The following EPC2 variants were observed in gnomAD, a reference collection of about 807,000 sequenced individuals.
The protein encoded by EPC2 is enhancer of polycomb 2, also known as enhancer of polycomb homolog 2.
Under a neutral mutation model 92.1 loss-of-function variants are expected in EPC2, and 14 were observed. The ratio of observed to expected loss-of-function variants is 0.15; its 90% CI spans 0.10 to 0.24. EPC2 has a LOEUF of 0.24. Ranked by LOEUF, EPC2 falls within the 10% of genes least tolerant of loss-of-function variation. The pLI, the probability that EPC2 is intolerant of heterozygous loss-of-function variation, is 1.00. For missense variants in EPC2, 755 were observed against 971.5 expected (o/e 0.78, Z 2.96); for synonymous variants, 340 against 334.7 (o/e 1.02, Z -0.17).
chr2:148,761,949 C>A lies in EPC2; in HGVS notation c.815+19C>A. ...AGAAAAGGTAACATTGCTCCTGTTA[C>A]AACAGTAAAATGACAACTTTACCAA... On this transcript the variant is annotated intron_variant, in intron 5 of 13. Coordinates refer to ENST00000258484, the MANE Select transcript of EPC2 (RefSeq NM_015630.4). 1 of 1,550,102 alleles carries A rather than the reference C, an allele frequency of 6.5e-7. No individual in the cohort carries two copies. Among genetic ancestry groups the A allele is most frequent in the Non-Finnish European group, 8.6e-7 (1 of 1,157,876 alleles).
chr2:148,656,611 C>T (rs1680805786), intron 1 of EPC2, among the ~76,000 whole-genome samples: 1 of 152,174 alleles, frequency 6.6e-6, no homozygotes, highest in Non-Finnish European at 1.5e-5. Flanking sequence ...GTAACTTAGC[C>T]TCATAAGCAC....
At chr2:148,659,942 A>G (rs1251864921) in intron 1 of EPC2, among the ~76,000 whole-genome samples, 1 of 152,124 alleles carries the variant, frequency 6.6e-6, no homozygotes, top group Non-Finnish European at 1.5e-5. Context: ...TGTAAACTAG[A>G]AAAATGAAAC....
chr2:148,772,248 TTTTGA>T (rs1409061018), intron 10 of EPC2, among the ~76,000 whole-genome samples: 3 of 152,330 alleles, frequency 2.0e-5, no homozygotes, highest in East Asian at 1.9e-4. Flanking sequence ...TAGGGTACAC[TTTTGA>T]TTTGTTTTCT....
At chr2:148,683,338 G>A (rs1404264372) in intron 1 of EPC2, among the ~76,000 whole-genome samples, 2 of 151,858 alleles carry the variant, frequency 1.3e-5, no homozygotes, top group Admixed American at 1.3e-4. Flanking sequence ...CATGATCTCG[G>A]CTCACTGCAA....
chr2:148,717,880 A>G (rs183235776), intron 2 of EPC2, among the ~76,000 whole-genome samples: 5 of 152,174 alleles, frequency 3.3e-5, no homozygotes, highest in Admixed American at 2.6e-4. Context: ...GTGGGAGTCT[A>G]AGTCTCATTG....
chr2:148,740,721 C>T (rs1682865933), intron 2 of EPC2, among the ~76,000 whole-genome samples: 1 of 152,102 alleles, frequency 6.6e-6, no homozygotes, highest in Non-Finnish European at 1.5e-5. Context: ...TGCCCTTGAA[C>T]TTTTGAAAAC....
At chr2:148,648,884 ACTT>A (rs1680578640) in intron 1 of EPC2, among the ~76,000 whole-genome samples, 1 of 152,128 alleles carries the variant, frequency 6.6e-6, no homozygotes, top group African/African-American at 2.4e-5. Context: ...AACATCTTTT[ACTT>A]CTTTTCTTCC....
chr2:148,690,259 G>GA lies in EPC2; in HGVS notation c.207dup (p.Glu70ArgfsTer9). 13 of 1,607,566 alleles carry GA rather than the reference G, an allele frequency of 8.1e-6. No individual in the cohort carries two copies. Among genetic ancestry groups the GA allele is most frequent in the Admixed American group, 6.9e-5 (4 of 58,356 alleles). ...AATTTCAGCACAGCAAGTGTTTAGA[G>GA]AAAAAAAAGAGAGTATGGTCATTCC... On this transcript the variant is annotated frameshift_variant, in exon 2 of 14. Transcript: ENST00000258484. LOFTEE classifies it high-confidence loss of function.
At chr2:148,649,056 C>G (rs1351332572) in intron 1 of EPC2, among the ~76,000 whole-genome samples, 1 of 152,188 alleles carries the variant, frequency 6.6e-6, no homozygotes, top group Non-Finnish European at 1.5e-5. Flanking sequence ...GCCAGCGGTT[C>G]TGCCGCCTCC....
intron 1 of EPC2, among the ~76,000 whole-genome samples, chr2:148,656,024 T>TGGGGGGGGG (rs71411354): frequency 9.0e-6 from 1 of 111,654 alleles, no homozygotes; most frequent in African/African-American, 4.0e-5. Context: ...TGTGTGTGTG[T>TGGGGGGGGG]GGGGGGGGGG....
chr2:148,649,683 G>GT (rs1465876932), intron 1 of EPC2, among the ~76,000 whole-genome samples: 2 of 152,198 alleles, frequency 1.3e-5, no homozygotes, highest in Non-Finnish European at 2.9e-5. Flanking sequence ...CTTGCTGCTA[G>GT]TGCAGGGCTG....
At chr2:148,776,948 C>T (rs912856272) in intron 10 of EPC2, among the ~76,000 whole-genome samples, 1 of 150,264 alleles carries the variant, frequency 6.7e-6, no homozygotes, top group Non-Finnish European at 1.5e-5. Flanking sequence ...GCAATCTTCA[C>T]CTCCCAGGCG....
At chr2:148,749,203 T>G (rs1683041461) in intron 3 of EPC2, among the ~76,000 whole-genome samples, 1 of 152,190 alleles carries the variant, frequency 6.6e-6, no homozygotes, top group Non-Finnish European at 1.5e-5. Flanking sequence ...AAATATTTGC[T>G]GTTCCAGCTA....
At chr2:148,742,582 A>G (rs1165484463) in intron 2 of EPC2, among the ~76,000 whole-genome samples, 1 of 152,138 alleles carries the variant, frequency 6.6e-6, no homozygotes, top group Non-Finnish European at 1.5e-5. Flanking sequence ...GGAGTTCCAG[A>G]CAAGCCTGGG....
chr2:148,766,994 G>C (rs112581271), intron 7 of EPC2, among the ~76,000 whole-genome samples: 2 of 152,004 alleles, frequency 1.3e-5, no homozygotes, highest in African/African-American at 4.8e-5. Context: ...GACCAGCCTG[G>C]GCAACATGGT....
At chr2:148,658,722 C>T (rs1680868992) in intron 1 of EPC2, among the ~76,000 whole-genome samples, 1 of 151,472 alleles carries the variant, frequency 6.6e-6, no homozygotes. Flanking sequence ...TGGTTCAACT[C>T]ACAGTTTGAA....
At chr2:148,766,051 A>G (rs143781507) in intron 7 of EPC2, among the ~76,000 whole-genome samples, 17 of 152,314 alleles carry the variant, frequency 1.1e-4, no homozygotes, top group Admixed American at 1.0e-3. Context: ...CAAACAAGCA[A>G]ACAAAAAAAA....
At chr2:148,651,816 G>A (rs1227841429) in intron 1 of EPC2, among the ~76,000 whole-genome samples, 1 of 152,160 alleles carries the variant, frequency 6.6e-6, no homozygotes, top group East Asian at 1.9e-4. Flanking sequence ...TTGATTTTAA[G>A]AGTAGGACAT....
At chr2:148,687,273 C>T (rs945137420) in intron 1 of EPC2, among the ~76,000 whole-genome samples, 2 of 152,160 alleles carry the variant, frequency 1.3e-5, no homozygotes, top group Non-Finnish European at 2.9e-5. Flanking sequence ...ATGCCTTGCC[C>T]TGGATTAGGC....
Sources: gnomAD v4.1 joint callset for allele counts (sites outside exome capture counted in the v4.1 genomes callset) on GRCh38, gnomAD v4.1.1 for gene constraint, MANE v1.5 for transcripts, NCBI Gene and HGNC (gene_info 2026-07-23, HGNC 2026-07-21) for gene names.